The following DOT1L variants were observed in gnomAD, a reference collection of about 807,000 sequenced individuals.
The protein encoded by DOT1L is DOT1 like histone lysine methyltransferase.
In DOT1L, 33 loss-of-function variants were observed where a neutral mutation model predicts 153.3. The ratio of observed to expected loss-of-function variants is 0.22; its 90% CI spans 0.16 to 0.29. The LOEUF (loss-of-function observed/expected upper bound fraction) is 0.29, where lower values mean the gene tolerates loss of function less well. DOT1L is among the 10% of genes least tolerant of loss of function. The pLI, the probability that DOT1L is intolerant of heterozygous loss-of-function variation, is 1.00. For missense variants in DOT1L, 1,847 were observed against 2,119.9 expected, an observed-to-expected ratio of 0.87 and a Z score of 2.53; for synonymous variants, 1,135 against 965.1, an observed-to-expected ratio of 1.18 and a Z score of -3.26.
chr19:2,188,530 T>C (rs996624109), intron 3 of DOT1L, among the ~76,000 whole-genome samples: 25 of 107,162 alleles, frequency 2.3e-4, no homozygotes, highest in Admixed American at 2.1e-3. Context: ...GCGCTGGGGA[T>C]GTGGAAGTCG....
At chr19:2,200,577 G>T (rs1202755013) in intron 8 of DOT1L, among the ~76,000 whole-genome samples, 1 of 152,142 alleles carries the variant, frequency 6.6e-6, no homozygotes, top group Non-Finnish European at 1.5e-5. Context: ...GAGGCCCAAG[G>T]CGCTTGTGAG....
rs2023728540 is a variant in DOT1L, at chr19:2,211,911, T to C, written c.1557+69T>C. The C allele has an allele frequency of 4.9e-6, 7 of 1,435,928 alleles. No homozygotes were observed. The Admixed American group carries it at 1.5e-4, about 30-fold the overall frequency. 88.9% of individuals were successfully genotyped at this position (1,435,928 alleles called of 1,614,324 possible). A position where few individuals can be genotyped will look rare whatever the true frequency, so the allele number is the denominator to read the frequency against. On this transcript the variant is annotated intron_variant, in intron 16 of 27. Coordinates refer to ENST00000398665, the MANE Select transcript of DOT1L (RefSeq NM_032482.3). The stretch of plus-strand genomic sequence containing the variant: ...CAGTTCGTTCCTGTTCCTGGGCATC[T>C]GTCCCCTGTGGCAGAGGCCCTGGAG...
chr19:2,222,340 G>C lies in DOT1L; in HGVS notation c.3171G>C (p.Lys1057Asn), dbSNP rs1462317569. Reference sequence around the variant, plus strand: ...TCACCACTGGTGCGGGCAGTGCCAAGCAGTCGCCCTCCAGCAAGCACAGCC... The same window carrying C: ...TCACCACTGGTGCGGGCAGTGCCAACCAGTCGCCCTCCAGCAAGCACAGCC... ...FTITTGAGSA[K>N]QSPSSKHSPL... Residue 1057 changes from lysine (K) to asparagine (N), a missense_variant, in exon 24 of 28, where the codon AAG (lysine) becomes AAC (asparagine). By Grantham distance (94) the Lys-to-Asn change is moderately conservative. This residue lies in a region of DOT1L where 934 missense variants were observed against 825.3 expected (regional missense o/e 1.13). Coordinates refer to ENST00000398665, the MANE Select transcript of DOT1L (RefSeq NM_032482.3). The surrounding 1 kb of genome is among the most constrained non-coding windows in gnomAD (Gnocchi z 6.5). 1 of 1,612,680 alleles carries C rather than the reference G, an allele frequency of 6.2e-7. No individual in the cohort carries two copies. The highest frequency in any genetic ancestry group is 1.3e-5 in the African/African-American group (1 of 74,930).
chr19:2,227,521 G>C (rs376315845), intron 27 of DOT1L: 24 of 538,582 alleles, frequency 4.5e-5, no homozygotes, highest in East Asian at 1.4e-4. Context: ...GGAGCCGCCG[G>C]GGGGAGCGGC....
rs2024515812 is a variant in DOT1L at position 2,229,710 on chromosome 19, A to C, written c.4607-75A>C. 3.7e-6 allele frequency: 6 copies of C among 1,610,006 alleles called. No homozygotes were observed. In the East Asian group the frequency reaches 1.3e-4, roughly 36 times the overall value. ...GTGCTCGTGGGAGGCCTCGGTCCCCAGCCTGGGTGAGTGTTGGGCTCCCCC... is the reference window on the plus strand; with the variant it reads ...GTGCTCGTGGGAGGCCTCGGTCCCCCGCCTGGGTGAGTGTTGGGCTCCCCC... On this transcript the variant is annotated intron_variant, in intron 27 of 27. Transcript: ENST00000398665.
Position 2,218,010 on chromosome 19 carries a change from C to T in DOT1L, c.2691+92C>T, listed in dbSNP as rs970235719. ...ACCTGGCTCACTTTGCGAAGTCTCACGCTGTAAAATGTCGAGCGTGAGGCA... is the reference window on the plus strand; with the variant it reads ...ACCTGGCTCACTTTGCGAAGTCTCATGCTGTAAAATGTCGAGCGTGAGGCA... On this transcript the variant is annotated intron_variant, in intron 22 of 27. Transcript: ENST00000398665. 36 of 1,510,880 alleles carry T rather than the reference C, an allele frequency of 2.4e-5. No individual in the cohort carries two copies. The Middle Eastern group carries it at 1.1e-3, about 48-fold the overall frequency. 93.6% of individuals were successfully genotyped at this position (1,510,880 alleles called of 1,614,324 possible). A position where few individuals can be genotyped will look rare whatever the true frequency, so the allele number is the denominator to read the frequency against.
In DOT1L at chr19:2,217,037, C is replaced by T. The variant is rs753979603; in HGVS notation, c.2491C>T (p.Arg831Trp). The change falls in exon 21 of 28, where the codon CGG becomes TGG. Residue 831 changes from arginine (R) to tryptophan (W), a missense_variant. Physicochemically the swap from Arg to Trp is moderately radical, Grantham distance 101. Around this residue, in one of 8 missense-constraint regions of DOT1L, gnomAD observed 281 missense variants for 263.6 expected, o/e 1.07. Coordinates refer to ENST00000398665, the MANE Select transcript of DOT1L (RefSeq NM_032482.3). This position sits in a 1 kb window ranked among gnomAD's most constrained non-coding sequence, Gnocchi z 7.3. The part of the protein sequence containing the change: ...GSMKLSPQDP[R>W]PLSPGALQLA... Reference sequence around the variant, plus strand: ...CATGAAGCTGAGCCCTCAGGACCCGCGGCCCCTGTCCCCTGGGGCCTTGCA... The same window carrying T: ...CATGAAGCTGAGCCCTCAGGACCCGTGGCCCCTGTCCCCTGGGGCCTTGCA... 6.8e-6 allele frequency: 11 copies of T among 1,612,608 alleles called. No homozygotes were observed. The highest frequency in any genetic ancestry group is 1.7e-4 in the Middle Eastern group (1 of 6,058).
At chr19:2,211,006 T>C (rs1020762547) in intron 14 of DOT1L, 93 bp from the exon 15 acceptor site, 3 of 1,471,682 alleles carry the variant, frequency 2.0e-6, no homozygotes, top group Admixed American at 1.8e-5. Context: ...GGCCCCATCC[T>C]AAGGGGTTGC....
chr19:2,220,079 C>T lies in DOT1L; in HGVS notation c.2692-29C>T. The T allele has an allele frequency of 6.3e-7, 1 of 1,576,756 alleles. No homozygotes were observed. The highest frequency in any genetic ancestry group is 8.7e-7 in the Non-Finnish European group (1 of 1,155,618). ...CTGGGTCTCCTGGGGCACCTGCTGC[C>T]CCTGACACACAGGGTTTTCTCTCTG... On this transcript the variant is annotated intron_variant, in intron 22 of 27. Coordinates refer to ENST00000398665, the MANE Select transcript of DOT1L (RefSeq NM_032482.3). The surrounding 1 kb of genome is among the most constrained non-coding windows in gnomAD (Gnocchi z 4.5).
At chr19:2,228,105 C>G in intron 27 of DOT1L, 1 of 1,355,158 alleles carries the variant, frequency 7.4e-7, no homozygotes, top group South Asian at 1.2e-5. Flanking sequence ...TTTCTTGCCC[C>G]CCACCTCTGC....
chr19:2,168,136 C>T lies in DOT1L; in HGVS notation c.81+3871C>T, dbSNP rs549045895. ...GGACAACAAGCCAATATTCTCCCCC[C>T]GCCACCGCCCCAGCATTCTTAGTCT... On this transcript the variant is annotated intron_variant, in intron 1 of 27. Transcript: ENST00000398665. Among the ~76,000 whole-genome samples, 11 of 152,214 alleles carry T rather than the reference C, an allele frequency of 7.2e-5. No individual in the cohort carries two copies. In the South Asian group the frequency reaches 8.3e-4, roughly 11 times the overall value.
chr19:2,194,661 ATGTTGGCACATGGC>A, intron 7 of DOT1L, 84 bp downstream of exon 7: 3 of 1,139,136 alleles, frequency 2.6e-6, no homozygotes, highest in Middle Eastern at 2.9e-4. Flanking sequence ...TTTCTTGCCG[ATGTTGGCACATGGC>A]TGTTGGCACA....
intron 2 of DOT1L, among the ~76,000 whole-genome samples, chr19:2,184,222 T>G (rs1449899794): frequency 6.6e-6 from 1 of 152,138 alleles, no homozygotes; most frequent in African/African-American, 2.4e-5. Flanking sequence ...GGGGCCTCGC[T>G]CGGTGCCTGG....
Position 2,193,855 on chromosome 19 carries a change from G to GCACC in DOT1L, c.588+74_588+77dup. ...AGAGAAAGTGACGCCCTGGGTGCCT[G>GCACC]CACCCCACTGCTGTGGGACTTCCGA... On this transcript the variant is annotated intron_variant, in intron 6 of 27. Coordinates refer to ENST00000398665, the MANE Select transcript of DOT1L (RefSeq NM_032482.3). This position sits in a 1 kb window ranked among gnomAD's most constrained non-coding sequence, Gnocchi z 5.9. The GCACC allele has an allele frequency of 6.8e-7, 1 of 1,480,776 alleles. No homozygotes were observed. Among genetic ancestry groups the GCACC allele is most frequent in the East Asian group, 2.3e-5 (1 of 43,748 alleles). The allele number at this position is 1,480,776 out of a possible 1,614,324, so 91.7% of individuals were successfully genotyped here.
chr19:2,194,897 T>C (rs2269879), intron 7 of DOT1L, among the ~76,000 whole-genome samples: 127,988 of 152,144 alleles, frequency 0.84, 54,620 homozygotes, highest in Non-Finnish European at 0.92. Flanking sequence ...GGTTCTGGGC[T>C]GGCTGCGGCA....
chr19:2,228,114 GCTGCCTCT>G, intron 27 of DOT1L: 1 of 1,359,872 alleles, frequency 7.4e-7, no homozygotes, highest in Non-Finnish European at 9.8e-7. Flanking sequence ...CCCCACCTCT[GCTGCCTCT>G]CTGCCGCCTG....
intron 1 of DOT1L, among the ~76,000 whole-genome samples, chr19:2,174,956 A>ATCTGTG (rs1473025203): frequency 9.9e-6 from 1 of 100,522 alleles, no homozygotes; most frequent in African/African-American, 3.8e-5. Context: ...GTTTTTAAAT[A>ATCTGTG]TATGTGTGTG....
At position 2,228,058 on chromosome 19, in the gene DOT1L, T is replaced by C. The variant is rs746770387; in HGVS notation, c.4606+931T>C. Reference sequence around the variant, plus strand: ...CTGGCCTCTAACCCTGAGCCCGCGCTTCTGCAGAGCCTCGCGTCCCTCCCG... The same window carrying C: ...CTGGCCTCTAACCCTGAGCCCGCGCCTCTGCAGAGCCTCGCGTCCCTCCCG... On this transcript the variant is annotated intron_variant, in intron 27 of 27. Transcript: ENST00000398665. 2.4e-5 allele frequency: 32 copies of C among 1,310,880 alleles called. No individual in the cohort carries two copies. The South Asian group carries it at 3.6e-4, about 15-fold the overall frequency. The allele number at this position is 1,310,880 out of a possible 1,614,324, so 81.2% of individuals were successfully genotyped here.
rs778276297 is a variant in DOT1L, at chr19:2,230,514, C to T, written c.*722C>T. 10 of 398,672 alleles carry T rather than the reference C, an allele frequency of 2.5e-5. No homozygotes were observed. The highest frequency in any genetic ancestry group is 4.4e-5 in the Admixed American group (1 of 22,730). The allele number at this position is 398,672 out of a possible 1,614,324, so 24.7% of individuals were successfully genotyped here. On this transcript the variant is annotated 3_prime_UTR_variant, in exon 28 of 28. Transcript: ENST00000398665. Reference sequence around the variant, plus strand: ...TGGTGCTGTGAGGACGGCGCGGGCACGTTGAACAAGTGCATTTACTTTTGT... The same window carrying T: ...TGGTGCTGTGAGGACGGCGCGGGCATGTTGAACAAGTGCATTTACTTTTGT...
Sources: allele counts gnomAD v4.1 joint callset (sites outside exome capture counted in the v4.1 genomes callset), GRCh38; gene constraint gnomAD v4.1.1; regional missense constraint gnomAD v4.1.1; non-coding constraint Gnocchi (gnomAD v3.1); transcripts MANE v1.5; gene names NCBI Gene and HGNC (gene_info 2026-07-23, HGNC 2026-07-21).